The following SRGAP2 variants were observed in gnomAD, a reference collection of about 807,000 sequenced individuals.
The protein encoded by SRGAP2 is SLIT-ROBO Rho GTPase activating protein 2.
In SRGAP2, 15 loss-of-function variants were observed where a neutral mutation model predicts 57.2. That is an observed-to-expected ratio of 0.26 (90% CI 0.18 to 0.40). The LOEUF is 0.40. Ranked by LOEUF, SRGAP2 falls within the 10% of genes least tolerant of loss-of-function variation. The pLI, the probability that SRGAP2 is intolerant of heterozygous loss-of-function variation, is 1.00. For missense variants in SRGAP2, 520 were observed against 669.6 expected (o/e 0.78, Z 2.47); for synonymous variants, 249 against 248.0 (o/e 1.00, Z -0.04).
chr1:206,243,518 G>C (rs1433122500), intron 2 of SRGAP2, among the ~76,000 whole-genome samples: 1 of 152,200 alleles, frequency 6.6e-6, no homozygotes, highest in African/African-American at 2.4e-5. Context: ...CCCTATGCTA[G>C]AGCCAAGAGG....
In SRGAP2 at chr1:206,458,801, A is replaced by G. The variant is rs782112538; in HGVS notation, c.2686A>G (p.Ser896Gly). The change falls in exon 22 of 23, where the codon AGT (serine) becomes GGT (glycine). Residue 896 changes from serine (S) to glycine (G), a missense_variant. Ser to Gly is a moderately conservative substitution (Grantham distance 56). Around this residue, in one of 5 missense-constraint regions of SRGAP2, gnomAD observed 478 missense variants for 373.6 expected, o/e 1.28. Coordinates refer to ENST00000573034, the MANE Select transcript of SRGAP2 (RefSeq NM_015326.5). ...PKEGPDKCSI[S>G]GHGSLNSISR... ...AGAAGGGCCAGATAAGTGTTCCATC[A>G]GTGGGCACGGGAGCCTCAACTCCAT... 1.2e-5 allele frequency: 9 copies of G among 780,702 alleles called. No individual in the cohort carries two copies. The highest frequency in any genetic ancestry group is 2.2e-5 in the Non-Finnish European group (9 of 417,982). 48.4% of individuals were successfully genotyped at this position (780,702 alleles called of 1,614,324 possible). A position where few individuals can be genotyped will look rare whatever the true frequency, so the allele number is the denominator to read the frequency against.
chr1:206,417,709 C>T (rs1284899854), intron 11 of SRGAP2, among the ~76,000 whole-genome samples: 3 of 151,972 alleles, frequency 2.0e-5, no homozygotes, highest in East Asian at 1.9e-4. Context: ...TGTGAGCCAC[C>T]GGGCCCAGCA....
intron 3 of SRGAP2, chr1:206,333,437 A>G (rs1257052593): frequency 2.7e-6 from 4 of 1,465,876 alleles, no homozygotes; most frequent in African/African-American, 1.4e-5. Context: ...GAGATTATCC[A>G]TGTTGCTCCC....
intron 2 of SRGAP2, among the ~76,000 whole-genome samples, chr1:206,300,030 CA>C (rs1212947290): frequency 6.6e-6 from 1 of 150,986 alleles, no homozygotes; most frequent in Non-Finnish European, 1.5e-5. Flanking sequence ...TTTCCTGGAT[CA>C]GGGGTGGGGA....
intron 4 of SRGAP2, among the ~76,000 whole-genome samples, chr1:206,358,049 A>G (rs571075236): frequency 6.6e-6 from 1 of 150,638 alleles, no homozygotes; most frequent in Non-Finnish European, 1.5e-5. Context: ...AGGTAAGGAG[A>G]GAGGGTTTTT....
intron 4 of SRGAP2, among the ~76,000 whole-genome samples, chr1:206,363,591 G>A (rs1330849083): frequency 2.0e-5 from 3 of 151,600 alleles, no homozygotes; most frequent in South Asian, 2.1e-4. Flanking sequence ...ACATGATGTC[G>A]AGGTGAACTG....
intron 3 of SRGAP2, among the ~76,000 whole-genome samples, chr1:206,321,511 AT>A (rs1345913612): frequency 1.2e-5 from 1 of 84,056 alleles, no homozygotes; most frequent in African/African-American, 5.5e-5. Flanking sequence ...ATCCATTATA[AT>A]TTCTTGCTTG....
intron 2 of SRGAP2, among the ~76,000 whole-genome samples, chr1:206,229,468 G>T (rs566098835): frequency 0.011 from 1,600 of 151,720 alleles, 3 homozygotes; most frequent in Middle Eastern, 0.031. Context: ...ACTTGTGCAG[G>T]CCTGCTTGGC....
chr1:206,347,268 C>CAA (rs1312738869), intron 4 of SRGAP2, among the ~76,000 whole-genome samples: 3 of 150,628 alleles, frequency 2.0e-5, no homozygotes, highest in African/African-American at 7.3e-5. Flanking sequence ...AAAAAAAAAA[C>CAA]AACAAAAAAA....
chr1:206,371,880 CA>C (rs1291562153), intron 4 of SRGAP2, among the ~76,000 whole-genome samples: 1 of 90,708 alleles, frequency 1.1e-5, no homozygotes, highest in Non-Finnish European at 2.0e-5. Context: ...TGCGGTGGCA[CA>C]ATTATAGCTC....
At chr1:206,383,684 C>T (rs1242776591) in intron 4 of SRGAP2, among the ~76,000 whole-genome samples, 1 of 148,086 alleles carries the variant, frequency 6.8e-6, no homozygotes, top group African/African-American at 2.6e-5. Context: ...TCTGAGAAAC[C>T]GTGTTCCACC....
Position 206,278,336 on chromosome 1 carries a change from C to A in SRGAP2, c.68-24945C>A, listed in dbSNP as rs1355095301. Among the ~76,000 whole-genome samples, 8 of 146,850 alleles carry A rather than the reference C, an allele frequency of 5.4e-5. No individual in the cohort carries two copies. In the East Asian group the frequency reaches 1.6e-3, roughly 29 times the overall value. ...TGCTTTTTAAAATTTTTTCTTCTTT[C>A]TTCTACTTTTTTTTTTTTTTTTTTT... On this transcript the variant is annotated intron_variant, in intron 2 of 22. Transcript: ENST00000573034.
chr1:206,391,813 G>A (rs1553350622), intron 5 of SRGAP2, among the ~76,000 whole-genome samples: 2 of 152,088 alleles, frequency 1.3e-5, no homozygotes, highest in Non-Finnish European at 1.5e-5. Flanking sequence ...AAACAAGCTT[G>A]AGTTCTAGGC....
intron 4 of SRGAP2, among the ~76,000 whole-genome samples, chr1:206,343,269 AC>A (rs1208984380): frequency 2.3e-4 from 35 of 152,040 alleles, no homozygotes; most frequent in African/African-American, 8.5e-4. Flanking sequence ...CCTACCACAT[AC>A]TTGCGGAGAA....
chr1:206,243,707 T>C (rs1668381540), intron 2 of SRGAP2, among the ~76,000 whole-genome samples: 2 of 152,254 alleles, frequency 1.3e-5, no homozygotes, highest in Non-Finnish European at 2.9e-5. Flanking sequence ...TCAGCTGTGC[T>C]GCTTCTTCCA....
At chr1:206,357,615 T>C (rs1676544596) in intron 4 of SRGAP2, among the ~76,000 whole-genome samples, 1 of 131,234 alleles carries the variant, frequency 7.6e-6, no homozygotes, top group Non-Finnish European at 1.6e-5. Flanking sequence ...GGAGATGGAG[T>C]TTCTTTTTTT....
intron 3 of SRGAP2, among the ~76,000 whole-genome samples, chr1:206,309,464 C>CAAA (rs199561904): frequency 5.4e-5 from 4 of 74,622 alleles, no homozygotes; most frequent in African/African-American, 4.8e-5. Flanking sequence ...AAAGTAAGAG[C>CAAA]AAAAAAAAAA....
chr1:206,327,160 C>G (rs1446087664), intron 3 of SRGAP2, among the ~76,000 whole-genome samples: 1 of 152,032 alleles, frequency 6.6e-6, no homozygotes, highest in Non-Finnish European at 1.5e-5. Flanking sequence ...AACCCTGTCT[C>G]TACTAAAAAA....
rs188622882 is a variant in SRGAP2, at chr1:206,454,321, G to A, written c.2361-557G>A. The A allele has an allele frequency of 1.4e-4, 89 of 638,600 alleles. No homozygotes were observed. In the African/African-American group the frequency reaches 1.5e-3, roughly 11 times the overall value. 39.6% of individuals were successfully genotyped at this position (638,600 alleles called of 1,614,324 possible). ...TCAAGAGAAGATGAATTGTGGGGGA[G>A]AAGGGGCTTTCTTTGTCATCAGTAG... On this transcript the variant is annotated intron_variant, in intron 20 of 22. Coordinates refer to ENST00000573034, the MANE Select transcript of SRGAP2 (RefSeq NM_015326.5). This position sits in a 1 kb window ranked among gnomAD's most constrained non-coding sequence, Gnocchi z 4.3.
Sources: gnomAD v4.1 joint callset for allele counts (sites outside exome capture counted in the v4.1 genomes callset) on GRCh38, gnomAD v4.1.1 for gene constraint, gnomAD v4.1.1 regional missense constraint, Gnocchi (gnomAD v3.1) non-coding constraint, MANE v1.5 for transcripts, NCBI Gene and HGNC (gene_info 2026-07-23, HGNC 2026-07-21) for gene names.